Variants in PCDH11X observed in about 807,000 individuals in gnomAD.
PCDH11X encodes protocadherin 11 X-linked, also known as protocadherin-11 X-linked.
PCDH11X carries 18 observed loss-of-function variants against 53.3 expected under a neutral mutation model. That is an observed-to-expected ratio of 0.34 (90% CI 0.23 to 0.50). The LOEUF is 0.50. Among genes scored for constraint, PCDH11X ranks in the 20% least tolerant of loss-of-function variants. The probability of loss-of-function intolerance (pLI) is 0.98; values close to 1 mark genes in which losing one functional copy is unlikely to be tolerated. For synonymous variants in PCDH11X, 279 were observed against 393.3 expected, an observed-to-expected ratio of 0.71 and a Z score of 3.44; for missense variants, 570 against 1,032.4, an observed-to-expected ratio of 0.55 and a Z score of 6.14.
intron 2 of PCDH11X, among the ~76,000 whole-genome samples, chrX:91,809,930 T>C (rs1242164271): frequency 9.0e-6 from 1 of 111,035 alleles, no homozygotes; most frequent in East Asian, 2.8e-4. Context: ...TTCATAGCCA[T>C]TTATAATACA....
At chrX:92,520,262 T>C (rs935474305) in intron 10 of PCDH11X, among the ~76,000 whole-genome samples, 1 of 108,181 alleles carries the variant, frequency 9.2e-6, no homozygotes, top group African/African-American at 3.4e-5. Context: ...CATATAAAAA[T>C]TGTGTTTACA....
At chrX:92,057,195 G>A (rs1382601170) in intron 6 of PCDH11X, among the ~76,000 whole-genome samples, 1 of 99,891 alleles carries the variant, frequency 1.0e-5, no homozygotes, top group East Asian at 3.3e-4. Flanking sequence ...TGGGTATATT[G>A]GCATCTATAA....
In PCDH11X at chrX:92,477,837, C is replaced by T. The variant is rs778602532; in HGVS notation, c.3367+9515C>T. On this transcript the variant is annotated intron_variant, in intron 10 of 10. Coordinates refer to ENST00000682573, the MANE Select transcript of PCDH11X (RefSeq NM_032968.5). ...GGGTCAGTGGTAATATCTTCTTTGTCATTTCTAATTGTGTTTATTTGGAAC... is the reference window on the plus strand; with the variant it reads ...GGGTCAGTGGTAATATCTTCTTTGTTATTTCTAATTGTGTTTATTTGGAAC... 1.2e-4 allele frequency among the ~76,000 whole-genome samples: 13 copies of T among 104,084 alleles called. 1 individual carries two copies. In the South Asian group the frequency reaches 6.0e-3, roughly 48 times the overall value. The allele number at this position is 104,084 out of a possible 115,157, so 90.4% of individuals were successfully genotyped here. A position where few individuals can be genotyped will look rare whatever the true frequency, so the allele number is the denominator to read the frequency against.
Position 92,404,240 on chromosome X carries a change from G to T in PCDH11X, c.3343+16307G>T, listed in dbSNP as rs1603301705. ...TTTCTTTTAACATGAAAGAAAATTG[G>T]AAGTTTCTTTCAATATTGTCTGTCT... On this transcript the variant is annotated intron_variant, in intron 9 of 10. Transcript: ENST00000682573. Among the ~76,000 whole-genome samples, 3 of 104,094 alleles carry T rather than the reference G, an allele frequency of 2.9e-5. No individual in the cohort carries two copies. The East Asian group carries it at 1.2e-3, about 43-fold the overall frequency. The allele number at this position is 104,094 out of a possible 115,157, so 90.4% of individuals were successfully genotyped here.
intron 4 of PCDH11X, among the ~76,000 whole-genome samples, chrX:91,820,847 A>T (rs373246231): frequency 4.3e-5 from 4 of 93,907 alleles, no homozygotes; most frequent in African/African-American, 1.6e-4. Flanking sequence ...ATTGATTTTT[A>T]TATAAGGTGT....
intron 7 of PCDH11X, among the ~76,000 whole-genome samples, chrX:92,222,810 C>T (rs942513289): frequency 9.0e-6 from 1 of 111,561 alleles, no homozygotes; most frequent in African/African-American, 3.3e-5. Context: ...TTGGTCCATT[C>T]TCAAAGAGCT....
intron 6 of PCDH11X, among the ~76,000 whole-genome samples, chrX:92,058,593 T>G (rs771111595): frequency 9.0e-6 from 1 of 111,672 alleles, no homozygotes; most frequent in Admixed American, 9.6e-5. Flanking sequence ...CATGTCATGG[T>G]ATTTACACAA....
chrX:92,563,317 A>G (rs1351427629), intron 10 of PCDH11X, among the ~76,000 whole-genome samples: 2 of 108,407 alleles, frequency 1.8e-5, no homozygotes, highest in Non-Finnish European at 3.8e-5. Context: ...TCTCAGAAAT[A>G]CTCACTCTCT....
chrX:92,261,089 T>C (rs1167059531), intron 7 of PCDH11X, among the ~76,000 whole-genome samples: 2 of 110,813 alleles, frequency 1.8e-5, no homozygotes, highest in African/African-American at 6.6e-5. Flanking sequence ...TTTTAATGTT[T>C]CTATAATCAA....
intron 6 of PCDH11X, among the ~76,000 whole-genome samples, chrX:92,155,804 A>T (rs1326737941): frequency 1.9e-5 from 2 of 107,082 alleles, no homozygotes; most frequent in Non-Finnish European, 3.8e-5. Context: ...TTTTTTTTGT[A>T]TTTTTAGTAG....
intron 6 of PCDH11X, among the ~76,000 whole-genome samples, chrX:91,987,699 TACA>T (rs1172679971): frequency 9.0e-6 from 1 of 110,987 alleles, no homozygotes; most frequent in South Asian, 3.8e-4. Context: ...TTTTGAGAAA[TACA>T]ACAAGAGTCA....
chrX:92,377,490 C>T (rs1445852840), intron 8 of PCDH11X, among the ~76,000 whole-genome samples: 1 of 111,159 alleles, frequency 9.0e-6, no homozygotes, highest in Non-Finnish European at 1.9e-5. Flanking sequence ...AAGCAATAAT[C>T]AATTCTTATT....
chrX:91,983,118 A>G, intron 6 of PCDH11X: 1 of 1,029,543 alleles, frequency 9.7e-7, no homozygotes, highest in East Asian at 3.0e-5. Context: ...GTCGAAATCT[A>G]TGTTGCAGTC....
intron 6 of PCDH11X, among the ~76,000 whole-genome samples, chrX:91,963,957 A>T (rs2061828812): frequency 9.1e-6 from 1 of 109,978 alleles, no homozygotes; most frequent in Admixed American, 9.6e-5. Flanking sequence ...GAGGGTAACC[A>T]ACCTCATGAT....
intron 6 of PCDH11X, among the ~76,000 whole-genome samples, chrX:92,064,839 T>C (rs975088): frequency 0.22 from 21,380 of 98,050 alleles, 4,229 homozygotes; most frequent in African/African-American, 0.53. Flanking sequence ...CAGAACACTA[T>C]GCTTGCTGGG....
chrX:92,173,390 T>C (rs750854798), intron 6 of PCDH11X, among the ~76,000 whole-genome samples: 2 of 111,919 alleles, frequency 1.8e-5, no homozygotes, highest in African/African-American at 6.5e-5. Context: ...CATTTTGTTG[T>C]TGTTTGAGGC....
intron 6 of PCDH11X, among the ~76,000 whole-genome samples, chrX:91,976,140 C>A (rs1424112216): frequency 9.0e-6 from 1 of 111,436 alleles, no homozygotes; most frequent in African/African-American, 3.3e-5. Flanking sequence ...GTAGCCTCAA[C>A]CTCCCAGGCT....
intron 8 of PCDH11X, among the ~76,000 whole-genome samples, chrX:92,380,694 T>G (rs2070856592): frequency 9.0e-6 from 1 of 110,933 alleles, no homozygotes. Context: ...TATATAAGAT[T>G]GATTTATGGG....
intron 9 of PCDH11X, among the ~76,000 whole-genome samples, chrX:92,431,196 A>G (rs1243819464): frequency 9.0e-6 from 1 of 111,131 alleles, no homozygotes; most frequent in Non-Finnish European, 1.9e-5. Flanking sequence ...TAATACCTGT[A>G]AGTCTCCATA....
Sources: allele counts gnomAD v4.1 joint callset (sites outside exome capture counted in the v4.1 genomes callset), GRCh38; gene constraint gnomAD v4.1.1; transcripts MANE v1.5; gene names NCBI Gene and HGNC (gene_info 2026-07-23, HGNC 2026-07-21).